Variants in SYNDIG1 observed in about 807,000 individuals in gnomAD.
SYNDIG1 encodes synapse differentiation inducing 1, also known as synapse differentiation-inducing gene protein 1.
Under a neutral mutation model 19.4 loss-of-function variants are expected in SYNDIG1, and 9 were observed. The observed-to-expected ratio is 0.46, with a 90% CI of 0.28 to 0.81. SYNDIG1 has a LOEUF of 0.81. SYNDIG1 is among the 30% of genes least tolerant of loss of function. SYNDIG1 has a pLI of 0.12. For synonymous variants in SYNDIG1, 141 were observed against 145.9 expected (o/e 0.97, Z 0.24); for missense variants, 311 against 343.3 (o/e 0.91, Z 0.74).
intron 3 of SYNDIG1, among the ~76,000 whole-genome samples, chr20:24,651,238 A>G (rs893133175): frequency 6.6e-6 from 1 of 152,234 alleles, no homozygotes; most frequent in East Asian, 1.9e-4. Flanking sequence ...GACTGTAAGC[A>G]TAGATCCTTA....
intron 1 of SYNDIG1, among the ~76,000 whole-genome samples, chr20:24,532,167 C>T (rs2057273535): frequency 1.3e-5 from 2 of 152,182 alleles, no homozygotes; most frequent in South Asian, 4.1e-4. Flanking sequence ...TCTTATCAAC[C>T]ATTCAGCCAA....
intron 2 of SYNDIG1, among the ~76,000 whole-genome samples, chr20:24,564,917 G>A (rs571981724): frequency 1.2e-4 from 18 of 152,334 alleles, no homozygotes; most frequent in Admixed American, 2.6e-4. Flanking sequence ...GGATAATGAA[G>A]CCCGCATTGT....
chr20:24,478,159 C>T (rs896876814), intron 1 of SYNDIG1, among the ~76,000 whole-genome samples: 2 of 152,200 alleles, frequency 1.3e-5, no homozygotes, highest in African/African-American at 4.8e-5. Context: ...AGCTCAAACC[C>T]GAAGGGTCAG....
Position 24,593,139 on chromosome 20 carries a change from T to A in SYNDIG1, c.618+8146T>A, listed in dbSNP as rs189136872. On this transcript the variant is annotated intron_variant, in intron 3 of 3. Coordinates refer to ENST00000376862, the MANE Select transcript of SYNDIG1 (RefSeq NM_024893.3). ...TCAATTGCATGTCATGGGAGTTTGATGTACAGCTTATTTCATCACCCAGGT... is the reference window on the plus strand; with the variant it reads ...TCAATTGCATGTCATGGGAGTTTGAAGTACAGCTTATTTCATCACCCAGGT... Among the ~76,000 whole-genome samples, 3 of 152,348 alleles carry A rather than the reference T, an allele frequency of 2.0e-5. No individual in the cohort carries two copies. In the South Asian group the frequency reaches 6.2e-4, roughly 32 times the overall value.
intron 3 of SYNDIG1, among the ~76,000 whole-genome samples, chr20:24,636,662 C>T (rs1436140445): frequency 3.3e-5 from 5 of 152,220 alleles, no homozygotes; most frequent in East Asian, 1.9e-4. Flanking sequence ...CCATGTTGAA[C>T]CTGCCTGGCC....
At chr20:24,498,294 G>T (rs1042074332) in intron 1 of SYNDIG1, among the ~76,000 whole-genome samples, 15 of 152,228 alleles carry the variant, frequency 9.9e-5, no homozygotes, top group South Asian at 6.2e-4. Flanking sequence ...ATTATTATTA[G>T]TAGTAGTATT....
chr20:24,504,889 A>C (rs1467660), intron 1 of SYNDIG1, among the ~76,000 whole-genome samples: 90,698 of 152,124 alleles, frequency 0.6, 27,514 homozygotes, highest in Non-Finnish European at 0.63. Context: ...GACTGCTGCA[A>C]TAGCCCAGTA....
rs146409286 is a variant in SYNDIG1 at position 24,505,148 on chromosome 20, C to T, written c.-79+35395C>T. On this transcript the variant is annotated intron_variant, in intron 1 of 3. Coordinates refer to ENST00000376862, the MANE Select transcript of SYNDIG1 (RefSeq NM_024893.3). ...TCCAGCTTGCTAGCTGAGTGGTCATCGGCACAGGGTAGGTAGGTGGCACCG... is the reference window on the plus strand; with the variant it reads ...TCCAGCTTGCTAGCTGAGTGGTCATTGGCACAGGGTAGGTAGGTGGCACCG... Among the ~76,000 whole-genome samples the T allele has an allele frequency of 4.9e-3, 749 of 152,184 alleles. 10 individuals carry two copies. Among genetic ancestry groups the T allele is most frequent in the African/African-American group, 0.017 (699 of 41,516 alleles).
chr20:24,519,694 C>T (rs2056962142), intron 1 of SYNDIG1, among the ~76,000 whole-genome samples: 1 of 152,132 alleles, frequency 6.6e-6, no homozygotes, highest in Non-Finnish European at 1.5e-5. Context: ...CCATGTGGCT[C>T]CTTTGATCTT....
chr20:24,479,481 A>C (rs540527581), intron 1 of SYNDIG1, among the ~76,000 whole-genome samples: 2 of 152,100 alleles, frequency 1.3e-5, no homozygotes, highest in East Asian at 3.9e-4. Context: ...CAGTGAACCC[A>C]TTCTCTATCT....
chr20:24,612,370 T>C (rs1600742205), intron 3 of SYNDIG1, among the ~76,000 whole-genome samples: 1 of 152,194 alleles, frequency 6.6e-6, no homozygotes, highest in African/African-American at 2.4e-5. Context: ...CTGAGTCTAC[T>C]TGGGAATATT....
intron 3 of SYNDIG1, among the ~76,000 whole-genome samples, chr20:24,619,709 T>C (rs2147225588): frequency 6.6e-6 from 1 of 152,350 alleles, no homozygotes; most frequent in East Asian, 1.9e-4. Context: ...GACTACATTA[T>C]CTTCATGATG....
At chr20:24,661,368 C>T (rs1204070618) in intron 3 of SYNDIG1, among the ~76,000 whole-genome samples, 1 of 26,710 alleles carries the variant, frequency 3.7e-5, no homozygotes, top group Non-Finnish European at 7.0e-5. Flanking sequence ...GAGGGAAAAC[C>T]GAGGGAAGAG....
intron 1 of SYNDIG1, among the ~76,000 whole-genome samples, chr20:24,472,664 G>A (rs1282892482): frequency 6.6e-6 from 1 of 152,186 alleles, no homozygotes; most frequent in East Asian, 1.9e-4. Flanking sequence ...CTCTGTGCTT[G>A]CTGAGATGTG....
In SYNDIG1 at chr20:24,528,828, C is replaced by T. The variant is rs571062531; in HGVS notation, c.-78-14192C>T. Among the ~76,000 whole-genome samples, 3 of 152,226 alleles carry T rather than the reference C, an allele frequency of 2.0e-5. No individual in the cohort carries two copies. In the South Asian group the frequency reaches 6.2e-4, roughly 31 times the overall value. The stretch of plus-strand genomic sequence containing the variant: ...GACTATCCATGGGCATTTTCTAGTC[C>T]TGTCTTTAACATACATTATCCTAGA... On this transcript the variant is annotated intron_variant, in intron 1 of 3. Transcript: ENST00000376862.
chr20:24,506,335 C>T (rs776640206), intron 1 of SYNDIG1, among the ~76,000 whole-genome samples: 3 of 152,164 alleles, frequency 2.0e-5, no homozygotes, highest in Non-Finnish European at 4.4e-5. Context: ...CACCCACATA[C>T]CCAAAAAGGG....
intron 1 of SYNDIG1, 23 bp from the exon 2 acceptor site, chr20:24,542,994 CTCA>C: frequency 6.6e-7 from 1 of 1,510,588 alleles, no homozygotes; most frequent in Non-Finnish European, 8.9e-7. Flanking sequence ...ATTCTCTTGT[CTCA>C]TCTCTGTTTT....
At chr20:24,632,629 G>A (rs1310497148) in intron 3 of SYNDIG1, among the ~76,000 whole-genome samples, 1 of 152,202 alleles carries the variant, frequency 6.6e-6, no homozygotes, top group African/African-American at 2.4e-5. Context: ...CTGGTCCCAG[G>A]ACCATAGGGG....
chr20:24,637,416 C>T (rs2059326926), intron 3 of SYNDIG1, among the ~76,000 whole-genome samples: 1 of 152,152 alleles, frequency 6.6e-6, no homozygotes, highest in African/African-American at 2.4e-5. Context: ...ATTGGAGAGA[C>T]AGAAAGAATA....
Sources: gnomAD v4.1 joint callset for allele counts (sites outside exome capture counted in the v4.1 genomes callset) on GRCh38, gnomAD v4.1.1 for gene constraint, MANE v1.5 for transcripts, NCBI Gene and HGNC (gene_info 2026-07-23, HGNC 2026-07-21) for gene names.